LEKR1: variants seen among roughly 807,000 people sequenced by gnomAD.
LEKR1 encodes the protein protein LEKR1.
LEKR1 carries 59 observed loss-of-function variants against 72.4 expected under a neutral mutation model. That is an observed-to-expected ratio of 0.82 (90% CI 0.66 to 1.01). LEKR1 has a LOEUF of 1.01. Among genes scored for constraint, LEKR1 ranks in the 50% least tolerant of loss-of-function variants. LEKR1 has a pLI of 0.00. For synonymous variants in LEKR1, 257 were observed against 263.2 expected (o/e 0.98, Z 0.23); for missense variants, 728 against 759.2 (o/e 0.96, Z 0.48).
intron 9 of LEKR1, among the ~76,000 whole-genome samples, chr3:157,010,898 A>G (rs1215409669): frequency 6.6e-6 from 1 of 152,092 alleles, no homozygotes; most frequent in Non-Finnish European, 1.5e-5. Context: ...ACATCTCTCT[A>G]CTTAATTTGG....
intron 6 of LEKR1, among the ~76,000 whole-genome samples, chr3:156,974,399 T>C (rs1729511454): frequency 6.6e-6 from 1 of 152,158 alleles, no homozygotes; most frequent in Non-Finnish European, 1.5e-5. Context: ...AAATGCTCTC[T>C]AGAATGGATC....
chr3:156,981,412 G>C (rs1307922570), intron 7 of LEKR1, among the ~76,000 whole-genome samples: 2 of 152,108 alleles, frequency 1.3e-5, no homozygotes, highest in East Asian at 3.8e-4. Context: ...CTAATTATCT[G>C]TAGGAAGTTA....
chr3:156,915,442 A>G (rs542388085), intron 3 of LEKR1, among the ~76,000 whole-genome samples: 1 of 149,580 alleles, frequency 6.7e-6, no homozygotes, highest in East Asian at 1.9e-4. Flanking sequence ...CTTTTTAGTG[A>G]TAGCCATTCT....
At chr3:156,972,498 A>T (rs1729309355) in intron 6 of LEKR1, among the ~76,000 whole-genome samples, 1 of 152,132 alleles carries the variant, frequency 6.6e-6, no homozygotes, top group South Asian at 2.1e-4. Flanking sequence ...TATAATAAAA[A>T]TAAATAAATA....
At chr3:156,942,196 A>T (rs1484324772) in intron 5 of LEKR1, among the ~76,000 whole-genome samples, 13 of 152,060 alleles carry the variant, frequency 8.5e-5, no homozygotes, top group Admixed American at 8.5e-4. Context: ...CTTAAAAAAA[A>T]GATCATTTCA....
intron 6 of LEKR1, among the ~76,000 whole-genome samples, chr3:156,960,592 TAC>T (rs1728036014): frequency 6.6e-6 from 1 of 152,164 alleles, no homozygotes; most frequent in Non-Finnish European, 1.5e-5. Flanking sequence ...GGCCCAAGCA[TAC>T]GGTTTTTATG....
At chr3:156,883,030 A>T (rs1220668227) in intron 3 of LEKR1, among the ~76,000 whole-genome samples, 1 of 152,096 alleles carries the variant, frequency 6.6e-6, no homozygotes, top group East Asian at 1.9e-4. Context: ...GAGAGATAGC[A>T]TTGGGATATA....
intron 3 of LEKR1, among the ~76,000 whole-genome samples, chr3:156,891,175 A>G (rs1315094230): frequency 2.0e-5 from 3 of 152,050 alleles, no homozygotes; most frequent in Admixed American, 6.6e-5. Context: ...CAGAGCTGCC[A>G]TGCTTCTTTT....
chr3:156,954,074 G>A (rs967867204), intron 6 of LEKR1, among the ~76,000 whole-genome samples: 2 of 151,916 alleles, frequency 1.3e-5, no homozygotes, highest in Non-Finnish European at 2.9e-5. Context: ...GGTGTAAGAT[G>A]GTATCTTATT....
chr3:156,968,401 C>T, intron 6 of LEKR1, among the ~76,000 whole-genome samples: 1 of 152,196 alleles, frequency 6.6e-6, no homozygotes, highest in South Asian at 2.1e-4. Context: ...CAGAGACACA[C>T]ATAGGCTCAA....
At chr3:157,011,870 A>G (rs890514108) in intron 10 of LEKR1, among the ~76,000 whole-genome samples, 2 of 152,072 alleles carry the variant, frequency 1.3e-5, no homozygotes, top group Admixed American at 6.6e-5. Flanking sequence ...CTTCTCCTAT[A>G]AGAAGATAAA....
intron 5 of LEKR1, among the ~76,000 whole-genome samples, chr3:156,932,830 A>G (rs1480146119): frequency 1.3e-5 from 2 of 151,812 alleles, no homozygotes; most frequent in Non-Finnish European, 2.9e-5. Flanking sequence ...GGAGATCGAG[A>G]CCATCCTGGC....
chr3:156,945,828 C>A (rs1197761450), intron 6 of LEKR1, among the ~76,000 whole-genome samples: 1 of 151,356 alleles, frequency 6.6e-6, no homozygotes, highest in Non-Finnish European at 1.5e-5. Context: ...TTTATGTCAG[C>A]ACCCAGTTGT....
At chr3:156,997,173 GTTATTCGGTCTCTT>G (rs1307789558) in intron 9 of LEKR1, among the ~76,000 whole-genome samples, 2 of 152,130 alleles carry the variant, frequency 1.3e-5, no homozygotes, top group East Asian at 3.9e-4. Context: ...AGGGCAACCT[GTTATTCGGTCTCTT>G]TTCTAGCTCT....
intron 3 of LEKR1, among the ~76,000 whole-genome samples, chr3:156,885,070 T>C (rs1719910396): frequency 6.6e-6 from 1 of 152,168 alleles, no homozygotes; most frequent in South Asian, 2.1e-4. Context: ...TTCTAGTCTA[T>C]TGTTGAAACT....
chr3:157,001,152 A>T (rs1422895290), intron 9 of LEKR1, among the ~76,000 whole-genome samples: 1 of 152,254 alleles, frequency 6.6e-6, no homozygotes, highest in Non-Finnish European at 1.5e-5. Flanking sequence ...GTGTTAAAAC[A>T]TACTATTACA....
At chr3:156,982,900 T>TAGAC (rs1730350583) in intron 7 of LEKR1, among the ~76,000 whole-genome samples, 1 of 143,312 alleles carries the variant, frequency 7.0e-6, no homozygotes, top group Non-Finnish European at 1.6e-5. Flanking sequence ...GATAGATAGA[T>TAGAC]AGATAGATGG....
chr3:157,044,313 G>A (rs1240978110), intron 12 of LEKR1, among the ~76,000 whole-genome samples: 1 of 152,176 alleles, frequency 6.6e-6, no homozygotes, highest in Non-Finnish European at 1.5e-5. Context: ...ATGAATGTCA[G>A]GACACTGGGG....
At chr3:156,933,831 A>T (rs1725462568) in intron 5 of LEKR1, among the ~76,000 whole-genome samples, 1 of 152,108 alleles carries the variant, frequency 6.6e-6, no homozygotes, top group Admixed American at 6.6e-5. Context: ...GAAAAATAAC[A>T]AACAAGGAGA....
Sources: gnomAD v4.1 joint callset for allele counts (sites outside exome capture counted in the v4.1 genomes callset) on GRCh38, gnomAD v4.1.1 for gene constraint, MANE v1.5 for transcripts, NCBI Gene and HGNC (gene_info 2026-07-23, HGNC 2026-07-21) for gene names.